Variants in OLFM4 observed in about 807,000 individuals in gnomAD.
OLFM4 encodes olfactomedin-4.
A neutral mutation model predicts 25.5 loss-of-function variants in OLFM4; 22 were observed. The ratio of observed to expected loss-of-function variants is 0.86; its 90% CI spans 0.62 to 1.23. OLFM4 has a LOEUF of 1.23. OLFM4 is among the 50% of genes most tolerant of loss of function. OLFM4 has a pLI of 0.00. For missense variants in OLFM4, 594 were observed against 619.4 expected (o/e 0.96, Z 0.44); for synonymous variants, 255 against 237.7 (o/e 1.07, Z -0.67).
chr13:53,038,852 T>C (rs1273484424), intron 2 of OLFM4, among the ~76,000 whole-genome samples: 1 of 152,244 alleles, frequency 6.6e-6, no homozygotes, highest in Non-Finnish European at 1.5e-5. Context: ...ATTAGTAAAG[T>C]TCACACTCTG....
chr13:53,043,383 T>G (rs35573846), intron 4 of OLFM4, 119 bp downstream of exon 4: 37,853 of 825,078 alleles, frequency 0.046, 2,062 homozygotes, highest in East Asian at 0.23. Flanking sequence ...TTTTTTTTTT[T>G]TTTTTTCAGT....
At chr13:53,048,316 C>T (rs1347441796) in intron 4 of OLFM4, among the ~76,000 whole-genome samples, 9 of 152,068 alleles carry the variant, frequency 5.9e-5, no homozygotes, top group Admixed American at 4.6e-4. Context: ...AAACCTGTGA[C>T]TGTGTTCTGC....
rs770120421 is a variant in OLFM4 at position 53,050,649 on chromosome 13, A to G, written c.1411A>G (p.Met471Val). 2.5e-6 allele frequency: 4 copies of G among 1,613,920 alleles called. No homozygotes were observed. Among genetic ancestry groups the G allele is most frequent in the Non-Finnish European group, 3.4e-6 (4 of 1,179,920 alleles). ...TGKEGKLDIV[M>V]HKMQEKVQSI... is the part of the protein sequence containing the mutation. ...GAAAGAGGGCAAACTAGACATTGTAATGCATAAGATGCAGGAAAAAGTGCA... is the reference window on the plus strand; with the variant it reads ...GAAAGAGGGCAAACTAGACATTGTAGTGCATAAGATGCAGGAAAAAGTGCA... Residue 471 changes from methionine to valine, a missense_variant, in exon 5 of 5, where the codon ATG becomes GTG. Coordinates refer to ENST00000219022, the MANE Select transcript of OLFM4 (RefSeq NM_006418.5).
At chr13:53,040,718 T>C (rs1954682545) in intron 2 of OLFM4, among the ~76,000 whole-genome samples, 1 of 152,124 alleles carries the variant, frequency 6.6e-6, no homozygotes, top group Admixed American at 6.5e-5. Context: ...CCACAAGAAA[T>C]GACAATCCAG....
intron 4 of OLFM4, among the ~76,000 whole-genome samples, chr13:53,049,672 G>T (rs536346368): frequency 6.6e-6 from 1 of 152,124 alleles, no homozygotes; most frequent in Admixed American, 6.5e-5. Context: ...CCTCTCTCTG[G>T]GCCTCCAAAC....
chr13:53,029,654 G>A (rs1252967111), intron 1 of OLFM4, among the ~76,000 whole-genome samples: 1 of 152,202 alleles, frequency 6.6e-6, no homozygotes, highest in African/African-American at 2.4e-5. Context: ...TTAGCAAAGT[G>A]TTATTACCAG....
chr13:53,032,687 C>G (rs1954635517), intron 1 of OLFM4, among the ~76,000 whole-genome samples: 1 of 151,722 alleles, frequency 6.6e-6, no homozygotes, highest in Non-Finnish European at 1.5e-5. Context: ...TAAATTTTGA[C>G]TAAACACATA....
At chr13:53,029,168 T>G in intron 1 of OLFM4, 128 bp downstream of exon 1, 1 of 1,331,978 alleles carries the variant, frequency 7.5e-7, no homozygotes, top group Non-Finnish European at 1.0e-6. Context: ...TTTTGTTAAC[T>G]ATAGGTGCCC....
At position 53,042,030 on chromosome 13, in the gene OLFM4, A is replaced by G. The variant is rs749925187; in HGVS notation, c.478A>G (p.Lys160Glu). The G allele has an allele frequency of 1.2e-6, 2 of 1,614,084 alleles. No homozygotes were observed. Among genetic ancestry groups the G allele is most frequent in the Admixed American group, 1.7e-5 (1 of 60,008 alleles). ...CACTGAACTGGACTTCGAGCTGATC[A>G]AGGTAGAAGTGAAGGAGATGGAAAA... ...SYTELDFELI[K>E]VEVKEMEKLV... Residue 160 changes from lysine (K) to glutamate (E), a missense_variant, in exon 3 of 5, where the codon AAG becomes GAG. By Grantham distance (56) the Lys-to-Glu change is moderately conservative (BLOSUM62 1). Transcript: ENST00000219022.
intron 1 of OLFM4, among the ~76,000 whole-genome samples, chr13:53,032,154 AC>A (rs748600452): frequency 1.0e-3 from 154 of 152,318 alleles, no homozygotes; most frequent in Admixed American, 2.5e-3. Context: ...GCTCATAATT[AC>A]TTGTCTGTCT....
chr13:53,049,723 T>C (rs1954734659), intron 4 of OLFM4, among the ~76,000 whole-genome samples: 1 of 152,202 alleles, frequency 6.6e-6, no homozygotes, highest in Admixed American at 6.5e-5. Flanking sequence ...ATTCCTATTT[T>C]CCAGATTGAA....
In OLFM4 at chr13:53,050,503, A is replaced by G. The variant is rs755463846; in HGVS notation, c.1265A>G (p.Tyr422Cys). ...DTTLQVLNTW[Y>C]TKQYKPSASN... The stretch of plus-strand genomic sequence containing the variant: ...ACACTTCAGGTGCTAAACACTTGGT[A>G]TACCAAGCAGTATAAACCATCTGCT... Residue 422 changes from tyrosine to cysteine, a missense_variant, in exon 5 of 5, where the codon TAT becomes TGT. Tyr to Cys is a radical substitution (Grantham distance 194). Coordinates refer to ENST00000219022, the MANE Select transcript of OLFM4 (RefSeq NM_006418.5). The G allele has an allele frequency of 2.5e-5, 40 of 1,614,084 alleles. No individual in the cohort carries two copies. The highest frequency in any genetic ancestry group is 3.4e-5 in the Non-Finnish European group (40 of 1,179,960).
intron 4 of OLFM4, among the ~76,000 whole-genome samples, chr13:53,044,716 C>G (rs1203117038): frequency 6.6e-6 from 1 of 152,092 alleles, no homozygotes; most frequent in Non-Finnish European, 1.5e-5. Context: ...AGGTTTAGGG[C>G]AGACAACATG....
chr13:53,029,075 C>CA, intron 1 of OLFM4, 35 bp downstream of exon 1: 1 of 1,608,958 alleles, frequency 6.2e-7, no homozygotes, highest in Non-Finnish European at 8.5e-7. Context: ...GAGCTGCATT[C>CA]ATTCCCTTCC....
intron 3 of OLFM4, among the ~76,000 whole-genome samples, 159 bp downstream of exon 3, chr13:53,042,281 G>A (rs1313229127): frequency 6.6e-6 from 1 of 152,156 alleles, no homozygotes; most frequent in Admixed American, 6.5e-5. Context: ...TTTGGATAAG[G>A]GCATGTGTTT....
At position 53,043,189 on chromosome 13, in the gene OLFM4, C is replaced by T. The variant is rs1241853633; in HGVS notation, c.655C>T (p.Leu219=). Residue 219 remains leucine, a synonymous_variant, in exon 4 of 5, where the codon CTG becomes TTG. Transcript: ENST00000219022. ...VLAIRREIVA[L]KTKLKECEAS... ...TGCCATTCGCCGAGAAATCGTGGCT[C>T]TGAAGACCAAGCTGAAAGAGTGTGA... 6.2e-7 allele frequency: 1 copy of T among 1,613,502 alleles called. No individual in the cohort carries two copies.
rs149998643 is a variant in OLFM4, at chr13:53,029,027, G to A, written c.191G>A (p.Gly64Asp). 1,592 of 1,614,134 alleles carry A rather than the reference G, an allele frequency of 9.9e-4. 12 individuals carry two copies. Among genetic ancestry groups the A allele is most frequent in the Middle Eastern group, 3.3e-3 (20 of 6,040 alleles). Residue 64 changes from glycine to aspartate, a missense_variant, in exon 1 of 5, where the codon GGT (glycine) becomes GAT (aspartate). Physicochemically the swap from Gly to Asp is moderately conservative, Grantham distance 94. Coordinates refer to ENST00000219022, the MANE Select transcript of OLFM4 (RefSeq NM_006418.5). Reference sequence around the variant, plus strand: ...TCCAGCCGCAGCTTAGGCAGCGGAGGTTCTGTGTCCCAGGTGAGGAGGCCC... The same window carrying A: ...TCCAGCCGCAGCTTAGGCAGCGGAGATTCTGTGTCCCAGGTGAGGAGGCCC... The part of the protein sequence containing the change: ...SSSSRSLGSG[G>D]SVSQLFSNFT...
At chr13:53,048,381 C>T (rs921713861) in intron 4 of OLFM4, among the ~76,000 whole-genome samples, 2 of 151,976 alleles carry the variant, frequency 1.3e-5, no homozygotes, top group African/African-American at 4.8e-5. Context: ...CATTTCTCTA[C>T]CTGTTGTATG....
rs775118318 is a variant in OLFM4 at position 53,050,677 on chromosome 13, G to T, written c.1439G>T (p.Ser480Ile). Residue 480 changes from serine (S) to isoleucine (I), a missense_variant, in exon 5 of 5, where the codon AGC (serine) becomes ATC (isoleucine). Physicochemically the swap from Ser to Ile is moderately radical, Grantham distance 142 (BLOSUM62 -2). Coordinates refer to ENST00000219022, the MANE Select transcript of OLFM4 (RefSeq NM_006418.5). The part of the protein sequence containing the change: ...VMHKMQEKVQ[S>I]INYNPFDQKL... ...CATAAGATGCAGGAAAAAGTGCAGAGCATTAACTATAACCCTTTTGACCAG... is the reference window on the plus strand; with the variant it reads ...CATAAGATGCAGGAAAAAGTGCAGATCATTAACTATAACCCTTTTGACCAG... The T allele has an allele frequency of 1.9e-6, 3 of 1,613,878 alleles. No individual in the cohort carries two copies. The South Asian group carries it at 3.3e-5, about 18-fold the overall frequency.
Sources: allele counts gnomAD v4.1 joint callset (sites outside exome capture counted in the v4.1 genomes callset), GRCh38; gene constraint gnomAD v4.1.1; transcripts MANE v1.5; gene names NCBI Gene and HGNC (gene_info 2026-07-23, HGNC 2026-07-21).